The following ALDH1A1 variants were observed in gnomAD, a reference collection of about 807,000 sequenced individuals.
The protein encoded by ALDH1A1 is aldehyde dehydrogenase 1 family member A1.
A neutral mutation model predicts 62.1 loss-of-function variants in ALDH1A1; 19 were observed. The observed-to-expected ratio is 0.31, with a 90% CI of 0.21 to 0.45. ALDH1A1 has a LOEUF of 0.45. Ranked by LOEUF, ALDH1A1 falls within the 20% of genes least tolerant of loss-of-function variation. ALDH1A1 has a pLI of 1.00. For synonymous variants in ALDH1A1, 231 were observed against 215.9 expected (o/e 1.07, Z -0.61); for missense variants, 521 against 607.1 (o/e 0.86, Z 1.49).
intron 9 of ALDH1A1, among the ~76,000 whole-genome samples, chr9:72,912,972 C>T (rs549932713): frequency 4.6e-5 from 7 of 152,110 alleles, no homozygotes; most frequent in East Asian, 1.9e-4. Context: ...TCCAAGTAAC[C>T]GGTGAGGGCT....
In ALDH1A1 at chr9:72,951,431, T is replaced by C. The variant is rs1425257622; in HGVS notation, c.66+1504A>G. On this transcript the variant is annotated intron_variant, in intron 1 of 12. Transcript: ENST00000297785. ...TGAAATACACACACAAGGAAGACTT[T>C]GCAAACTTCTGCAAAGCCAAAGGAG... is the stretch of plus-strand genomic sequence containing the variant. 2.6e-5 allele frequency among the ~76,000 whole-genome samples: 4 copies of C among 151,766 alleles called. No individual in the cohort carries two copies. In the Admixed American group the frequency reaches 2.6e-4, roughly 10 times the overall value.
At chr9:72,911,813 A>C (rs1829993946) in intron 10 of ALDH1A1, 145 bp downstream of exon 10, 2 of 945,842 alleles carry the variant, frequency 2.1e-6, no homozygotes, top group Non-Finnish European at 3.2e-6. Flanking sequence ...CAAATAACTT[A>C]AACCTCTATC....
At chr9:72,920,061 A>T (rs1418240438) in intron 7 of ALDH1A1, among the ~76,000 whole-genome samples, 1 of 151,442 alleles carries the variant, frequency 6.6e-6, no homozygotes, top group Non-Finnish European at 1.5e-5. Flanking sequence ...TGCTTCTTTT[A>T]TTTTCTAGGT....
chr9:72,908,031 A>G (rs894022976), intron 11 of ALDH1A1, among the ~76,000 whole-genome samples: 1 of 152,056 alleles, frequency 6.6e-6, no homozygotes, highest in Non-Finnish European at 1.5e-5. Context: ...GTGTTAATGT[A>G]TACCCTCCCC....
At chr9:72,925,691 C>T in intron 5 of ALDH1A1, 79 bp from the exon 6 acceptor site, 1 of 1,462,700 alleles carries the variant, frequency 6.8e-7, no homozygotes. Flanking sequence ...ATTATACACC[C>T]CCTGTAGATG....
chr9:72,926,782 A>G (rs988019486), intron 5 of ALDH1A1, among the ~76,000 whole-genome samples: 1 of 152,234 alleles, frequency 6.6e-6, no homozygotes, highest in Non-Finnish European at 1.5e-5. Context: ...TGCAGTGGAG[A>G]GCACCTTGCC....
chr9:72,922,408 A>G (rs892664912), intron 7 of ALDH1A1, among the ~76,000 whole-genome samples: 3 of 152,170 alleles, frequency 2.0e-5, no homozygotes, highest in African/African-American at 7.2e-5. Flanking sequence ...ATAGGGGATC[A>G]TGGATGAGCG....
rs554080247 is a variant in ALDH1A1, at chr9:72,942,341, A to G, written c.67-2089T>C. ...TCATCTCTAGCTTTATGCTGCTCTC[A>G]CCCCAAAGTTCTGAAGCTTGCTCAT... On this transcript the variant is annotated intron_variant, in intron 1 of 12. Transcript: ENST00000297785. The G allele has an allele frequency of 6.1e-6, 6 of 985,134 alleles. No individual in the cohort carries two copies. In the East Asian group the frequency reaches 5.7e-4, roughly 93 times the overall value. The allele number at this position is 985,134 out of a possible 1,614,324, so 61.0% of individuals were successfully genotyped here.
At chr9:72,946,480 C>T (rs1830475477) in intron 1 of ALDH1A1, among the ~76,000 whole-genome samples, 1 of 151,910 alleles carries the variant, frequency 6.6e-6, no homozygotes, top group Non-Finnish European at 1.5e-5. Context: ...AGCAACACTT[C>T]ACATCCTTCT....
At chr9:72,949,106 A>C (rs1830508183) in intron 1 of ALDH1A1, among the ~76,000 whole-genome samples, 1 of 151,888 alleles carries the variant, frequency 6.6e-6, no homozygotes, top group South Asian at 2.1e-4. Context: ...TCGATTCCAT[A>C]GGAGTTGAAG....
At chr9:72,902,370 A>G (rs188754790) in intron 12 of ALDH1A1, among the ~76,000 whole-genome samples, 123 of 152,044 alleles carry the variant, frequency 8.1e-4, no homozygotes, top group African/African-American at 2.8e-3. Context: ...ATCCTTTTTT[A>G]CCCCTCCCTT....
chr9:72,942,956 A>G (rs1376715962), intron 1 of ALDH1A1, among the ~76,000 whole-genome samples: 1 of 152,108 alleles, frequency 6.6e-6, no homozygotes, highest in African/African-American at 2.4e-5. Flanking sequence ...AGATATCTAC[A>G]TATCAGCCCA....
intron 4 of ALDH1A1, 35 bp downstream of exon 4, chr9:72,928,857 A>T: frequency 6.2e-7 from 1 of 1,609,118 alleles, no homozygotes; most frequent in South Asian, 1.1e-5. Context: ...CCTCGCTCCT[A>T]TCCTCACCAT....
rs145101266 is a variant in ALDH1A1, at chr9:72,948,263, T to G, written c.66+4672A>C. ...AGCCCAAAGCAAACAAAATATTGCT[T>G]CAGTTGGAAGGAAGTTAAAAACATT... On this transcript the variant is annotated intron_variant, in intron 1 of 12. Transcript: ENST00000297785. 7.6e-4 allele frequency among the ~76,000 whole-genome samples: 116 copies of G among 152,096 alleles called. 1 individual carries two copies. The highest frequency in any genetic ancestry group is 2.7e-3 in the African/African-American group (114 of 41,526).
chr9:72,921,297 G>C (rs1830139920), intron 7 of ALDH1A1, among the ~76,000 whole-genome samples: 1 of 151,594 alleles, frequency 6.6e-6, no homozygotes, highest in Non-Finnish European at 1.5e-5. Flanking sequence ...AGAATGGAGG[G>C]TCTTTGCTAC....
chr9:72,911,903 C>T, intron 10 of ALDH1A1, 55 bp downstream of exon 10: 1 of 1,594,848 alleles, frequency 6.3e-7, no homozygotes, highest in Non-Finnish European at 8.6e-7. Flanking sequence ...TTTGTATACA[C>T]ACAAACAGAC....
intron 5 of ALDH1A1, 97 bp downstream of exon 5, chr9:72,927,019 T>C: frequency 1.1e-6 from 1 of 896,938 alleles, no homozygotes; most frequent in Middle Eastern, 2.6e-4. Flanking sequence ...ATTTAACAAA[T>C]ACATAAGCAT....
chr9:72,926,691 A>T (rs992250112), intron 5 of ALDH1A1, among the ~76,000 whole-genome samples: 1 of 152,258 alleles, frequency 6.6e-6, no homozygotes, highest in South Asian at 2.1e-4. Context: ...ACTGTTCTGC[A>T]TGATGAGATG....
chr9:72,941,560 T>C (rs1474574216), intron 1 of ALDH1A1, among the ~76,000 whole-genome samples: 1 of 152,174 alleles, frequency 6.6e-6, no homozygotes, highest in African/African-American at 2.4e-5. Flanking sequence ...TCAAGGGCTG[T>C]GTATGGTTTT....
Sources: gnomAD v4.1 joint callset for allele counts (sites outside exome capture counted in the v4.1 genomes callset) on GRCh38, gnomAD v4.1.1 for gene constraint, MANE v1.5 for transcripts, NCBI Gene and HGNC (gene_info 2026-07-23, HGNC 2026-07-21) for gene names.